NAV2: variants seen among roughly 807,000 people sequenced by gnomAD.
NAV2 encodes the protein helicase, APC down-regulated 1.
NAV2 carries 54 observed loss-of-function variants against 223.2 expected under a neutral mutation model. That is an observed-to-expected ratio of 0.24 (90% CI 0.19 to 0.30). NAV2 has a LOEUF of 0.30. Ranked by LOEUF, NAV2 falls within the 10% of genes least tolerant of loss-of-function variation. NAV2 has a pLI of 1.00. For missense variants in NAV2, 2,806 were observed against 3,147.5 expected, an observed-to-expected ratio of 0.89 and a Z score of 2.60; for synonymous variants, 1,279 against 1,239.3, an observed-to-expected ratio of 1.03 and a Z score of -0.67.
chr11:19,792,900 T>C (rs2057622803), intron 1 of NAV2, among the ~76,000 whole-genome samples: 1 of 150,600 alleles, frequency 6.6e-6, no homozygotes, highest in South Asian at 2.1e-4. Flanking sequence ...AGCTCAGTTT[T>C]GAGTGAGCCA....
chr11:19,880,832 C>T (rs1033745707), intron 5 of NAV2, among the ~76,000 whole-genome samples: 4 of 152,246 alleles, frequency 2.6e-5, no homozygotes, highest in Admixed American at 2.6e-4. Flanking sequence ...CCCTGTAAAA[C>T]TTTTGTCTTA....
intron 1 of NAV2, among the ~76,000 whole-genome samples, chr11:19,717,198 G>T (rs536476927): frequency 2.6e-5 from 4 of 152,236 alleles, no homozygotes; most frequent in African/African-American, 9.6e-5. Flanking sequence ...TGAGGCCTGC[G>T]GTCTTCCCAC....
intron 1 of NAV2, among the ~76,000 whole-genome samples, chr11:19,545,265 A>C (rs775922949): frequency 5.9e-5 from 9 of 152,214 alleles, no homozygotes; most frequent in Admixed American, 2.6e-4. Flanking sequence ...TTGTGTCTCC[A>C]TACTGCCTCC....
At chr11:19,870,252 G>T (rs1450961935) in intron 4 of NAV2, among the ~76,000 whole-genome samples, 1 of 152,096 alleles carries the variant, frequency 6.6e-6, no homozygotes, top group African/African-American at 2.4e-5. Flanking sequence ...ATGCTTTGCT[G>T]GGGGGCGGGG....
intron 1 of NAV2, among the ~76,000 whole-genome samples, chr11:19,654,949 C>T (rs1341834166): frequency 2.0e-5 from 3 of 152,176 alleles, no homozygotes; most frequent in Non-Finnish European, 2.9e-5. Context: ...TCAGAGTGAA[C>T]AGGCAACCTA....
intron 11 of NAV2, among the ~76,000 whole-genome samples, chr11:20,000,754 G>A (rs998015741): frequency 3.9e-5 from 6 of 152,206 alleles, no homozygotes; most frequent in African/African-American, 7.2e-5. Flanking sequence ...TGCCACAGAG[G>A]TCAGCTCTGA....
intron 11 of NAV2, among the ~76,000 whole-genome samples, chr11:20,018,122 G>A (rs992392671): frequency 2.0e-5 from 3 of 152,162 alleles, no homozygotes; most frequent in Non-Finnish European, 4.4e-5. Flanking sequence ...GGGAGGCCAA[G>A]GCAGGCGGAT....
At chr11:19,568,043 T>G (rs1229179063) in intron 1 of NAV2, among the ~76,000 whole-genome samples, 5 of 152,368 alleles carry the variant, frequency 3.3e-5, no homozygotes, top group Non-Finnish European at 7.3e-5. Context: ...ATCCTGCAGC[T>G]GATGCAGCGC....
intron 1 of NAV2, among the ~76,000 whole-genome samples, chr11:19,576,223 C>T (rs1182598847): frequency 1.3e-5 from 2 of 152,206 alleles, no homozygotes; most frequent in Non-Finnish European, 2.9e-5. Context: ...ATCAGACCCA[C>T]TTGGCCAGAG....
At chr11:19,727,941 C>T (rs1252456849) in intron 1 of NAV2, among the ~76,000 whole-genome samples, 1 of 152,136 alleles carries the variant, frequency 6.6e-6, no homozygotes, top group Non-Finnish European at 1.5e-5. Flanking sequence ...CTAGCTTTGT[C>T]CAGCTCTCCT....
At chr11:19,754,550 A>G (rs1025541001) in intron 1 of NAV2, among the ~76,000 whole-genome samples, 1 of 152,232 alleles carries the variant, frequency 6.6e-6, no homozygotes, top group Non-Finnish European at 1.5e-5. Context: ...ATGTTTACAG[A>G]CTACCTGCAG....
intron 1 of NAV2, chr11:19,511,528 G>GA (rs1362474649): frequency 6.6e-6 from 1 of 152,136 alleles, no homozygotes; most frequent in Non-Finnish European, 1.5e-5. Context: ...GTAAATATGC[G>GA]AAAAACCATC....
intron 1 of NAV2, among the ~76,000 whole-genome samples, chr11:19,830,273 C>T (rs1325284747): frequency 6.6e-6 from 1 of 152,080 alleles, no homozygotes; most frequent in Non-Finnish European, 1.5e-5. Flanking sequence ...TCACTGAGAA[C>T]ATAATAGAGG....
chr11:19,555,596 G>T (rs1380325798), intron 1 of NAV2, among the ~76,000 whole-genome samples: 1 of 152,094 alleles, frequency 6.6e-6, no homozygotes, highest in African/African-American at 2.4e-5. Flanking sequence ...TAGCTGTTTT[G>T]GAAGTAAACA....
intron 1 of NAV2, among the ~76,000 whole-genome samples, chr11:19,428,474 G>A (rs924325495): frequency 2.6e-5 from 4 of 152,142 alleles, no homozygotes; most frequent in African/African-American, 4.8e-5. Context: ...AATTGGTTTC[G>A]CATCCAAAGA....
chr11:19,351,940 G>A (rs1263484056), intron 1 of NAV2, among the ~76,000 whole-genome samples: 1 of 150,890 alleles, frequency 6.6e-6, no homozygotes, highest in Non-Finnish European at 1.5e-5. Flanking sequence ...CTGTCCTTCT[G>A]ACTCTTCCCT....
At chr11:20,030,013 G>C (rs1426557994) in intron 11 of NAV2, among the ~76,000 whole-genome samples, 2 of 152,140 alleles carry the variant, frequency 1.3e-5, no homozygotes, top group African/African-American at 4.8e-5. Flanking sequence ...TCTGTGATAG[G>C]CTGTCTTAAA....
intron 11 of NAV2, among the ~76,000 whole-genome samples, chr11:19,996,602 T>C (rs567751626): frequency 9.8e-5 from 15 of 152,356 alleles, no homozygotes; most frequent in African/African-American, 2.9e-4. Flanking sequence ...TCCCCTGTCA[T>C]GTTGATCACA....
At chr11:19,394,602 C>G (rs1027278860) in intron 1 of NAV2, among the ~76,000 whole-genome samples, 1 of 152,110 alleles carries the variant, frequency 6.6e-6, no homozygotes, top group Non-Finnish European at 1.5e-5. Flanking sequence ...ATGGCACATT[C>G]AAACAGGGAT....
Sources: allele counts gnomAD v4.1 joint callset (sites outside exome capture counted in the v4.1 genomes callset), GRCh38; gene constraint gnomAD v4.1.1; transcripts MANE v1.5; gene names NCBI Gene and HGNC (gene_info 2026-07-23, HGNC 2026-07-21).